Variants in EXOC6 observed in about 807,000 individuals in gnomAD.
The protein encoded by EXOC6 is SEC15-like 1.
Under a neutral mutation model 112.5 loss-of-function variants are expected in EXOC6, and 60 were observed. The ratio of observed to expected loss-of-function variants is 0.53; its 90% CI spans 0.43 to 0.66. The LOEUF (loss-of-function observed/expected upper bound fraction) is 0.66, where lower values mean the gene tolerates loss of function less well. EXOC6 is among the 30% of genes least tolerant of loss of function. The probability of loss-of-function intolerance (pLI) is 0.00; values close to 1 mark genes in which losing one functional copy is unlikely to be tolerated. For synonymous variants in EXOC6, 295 were observed against 308.0 expected (o/e 0.96, Z 0.44); for missense variants, 855 against 957.1 (o/e 0.89, Z 1.41).
intron 1 of EXOC6, among the ~76,000 whole-genome samples, chr10:92,857,391 C>T (rs1847653983): frequency 6.6e-6 from 1 of 151,900 alleles, no homozygotes; most frequent in Non-Finnish European, 1.5e-5. Context: ...TGTGTTATTA[C>T]AATAATACAT....
upstream of EXOC6, among the ~76,000 whole-genome samples, chr10:92,845,974 A>G (rs1172070746): frequency 2.0e-5 from 3 of 152,228 alleles, no homozygotes; most frequent in African/African-American, 7.2e-5. Context: ...CAAATGTGCA[A>G]TTAGTTATTT....
At chr10:92,835,753 AG>A (rs1846639036) in intron 1 of EXOC6, among the ~76,000 whole-genome samples, 1 of 152,202 alleles carries the variant, frequency 6.6e-6, no homozygotes, top group Admixed American at 6.5e-5. Flanking sequence ...GTCTTAGGGT[AG>A]TGTTAGGGAC....
At chr10:92,954,879 A>C in intron 16 of EXOC6, 138 bp downstream of exon 16, 1 of 513,426 alleles carries the variant, frequency 1.9e-6, no homozygotes, top group Non-Finnish European at 3.4e-6. Flanking sequence ...TCAAAATAAA[A>C]ACACCAGTGT....
chr10:92,909,601 T>C lies in EXOC6; in HGVS notation c.633T>C (p.Ser211=). Residue 211 remains serine (S), a synonymous_variant, in exon 6 of 22, where the codon TCT becomes TCC. Coordinates refer to ENST00000260762, the MANE Select transcript of EXOC6 (RefSeq NM_019053.6). ...TTTTGGAAAGTATTCGAAAACATTC[T>C]GACAAAATAGGTGAAACAGCAATGA... ...KDFLESIRKH[S]DKIGETAMKQ... The C allele has an allele frequency of 6.2e-7, 1 of 1,611,276 alleles. No homozygotes were observed. Among genetic ancestry groups the C allele is most frequent in the East Asian group, 2.2e-5 (1 of 44,746 alleles).
intron 20 of EXOC6, among the ~76,000 whole-genome samples, chr10:93,030,830 TAG>T (rs1382914776): frequency 6.6e-6 from 1 of 152,240 alleles, no homozygotes. Flanking sequence ...CTGTTTGTTG[TAG>T]AGTGTCTCAT....
intron 9 of EXOC6, among the ~76,000 whole-genome samples, chr10:92,929,843 G>C (rs1254967784): frequency 2.0e-5 from 3 of 152,166 alleles, no homozygotes; most frequent in Non-Finnish European, 4.4e-5. Context: ...GGGATACAGA[G>C]AAGTCTAACA....
intron 19 of EXOC6, among the ~76,000 whole-genome samples, chr10:92,998,352 G>C (rs916361962): frequency 2.0e-5 from 3 of 152,090 alleles, no homozygotes; most frequent in African/African-American, 7.2e-5. Context: ...ATTCTATCAG[G>C]CACCACAGTT....
intron 9 of EXOC6, among the ~76,000 whole-genome samples, chr10:92,931,984 GA>G (rs1852065841): frequency 6.6e-6 from 1 of 152,102 alleles, no homozygotes; most frequent in Non-Finnish European, 1.5e-5. Flanking sequence ...GCTCATATGT[GA>G]ATGTTTGTAG....
At chr10:92,845,720 C>G (rs1847027512), upstream of EXOC6, among the ~76,000 whole-genome samples, 1 of 152,078 alleles carries the variant, frequency 6.6e-6, no homozygotes, top group Non-Finnish European at 1.5e-5. Context: ...GGGCAGATCA[C>G]CTGAGGTCGG....
intron 1 of EXOC6, among the ~76,000 whole-genome samples, chr10:92,850,681 T>G (rs1564770652): frequency 6.6e-6 from 1 of 152,230 alleles, no homozygotes; most frequent in South Asian, 2.1e-4. Flanking sequence ...ATCTCTTCCC[T>G]TATCTACTCC....
chr10:92,925,641 G>A (rs1851672690), intron 8 of EXOC6, among the ~76,000 whole-genome samples: 1 of 151,804 alleles, frequency 6.6e-6, no homozygotes, highest in Non-Finnish European at 1.5e-5. Flanking sequence ...TGGTTTTCAT[G>A]ATGTAATTTT....
chr10:92,925,854 T>G (rs1739198445), intron 8 of EXOC6, among the ~76,000 whole-genome samples: 1 of 152,028 alleles, frequency 6.6e-6, no homozygotes, highest in African/African-American at 2.4e-5. Flanking sequence ...TTTAAAGAGA[T>G]AGCTTGACAT....
intron 18 of EXOC6, among the ~76,000 whole-genome samples, chr10:92,983,239 T>C (rs1842887448): frequency 6.6e-6 from 1 of 152,178 alleles, no homozygotes; most frequent in Non-Finnish European, 1.5e-5. Context: ...TACACATAAA[T>C]GGTGTGATAA....
chr10:92,868,787 C>G (rs1382099102), intron 1 of EXOC6, among the ~76,000 whole-genome samples: 1 of 150,002 alleles, frequency 6.7e-6, no homozygotes, highest in Non-Finnish European at 1.5e-5. Context: ...CTTCCTTCCT[C>G]CCTCCCTTCT....
rs780830516 is a variant in EXOC6, at chr10:92,928,344, CGAG to C, written c.897_899del (p.Glu300del). ...CTCTGCTGATTTTATTTTAGGGTGA[CGAG>C]GAAACATTTGAAAACTATTATCGAA... On this transcript the variant is annotated inframe_deletion, in exon 9 of 22. Transcript: ENST00000260762. The C allele has an allele frequency of 1.3e-6, 2 of 1,598,756 alleles. No individual in the cohort carries two copies. The highest frequency in any genetic ancestry group is 1.7e-6 in the Non-Finnish European group (2 of 1,169,810).
At chr10:92,986,043 A>G (rs1366546944) in intron 18 of EXOC6, among the ~76,000 whole-genome samples, 1 of 152,120 alleles carries the variant, frequency 6.6e-6, no homozygotes, top group Admixed American at 6.5e-5. Flanking sequence ...AAAATTTATA[A>G]TGGCATTGAT....
At chr10:92,991,532 G>C (rs1174756633) in intron 18 of EXOC6, among the ~76,000 whole-genome samples, 3 of 151,530 alleles carry the variant, frequency 2.0e-5, no homozygotes, top group Non-Finnish European at 4.4e-5. Context: ...CTAAAAATTT[G>C]GATACTGCAT....
At chr10:92,830,444 G>A (rs926355628), upstream of EXOC6, among the ~76,000 whole-genome samples, 1 of 152,160 alleles carries the variant, frequency 6.6e-6, no homozygotes, top group African/African-American at 2.4e-5. Context: ...CCAGAAAAGG[G>A]CCCCAAGGAA....
At chr10:93,041,258 A>C (rs1845760409) in intron 20 of EXOC6, among the ~76,000 whole-genome samples, 1 of 152,052 alleles carries the variant, frequency 6.6e-6, no homozygotes, top group African/African-American at 2.4e-5. Context: ...TCTCTATCCC[A>C]ACTATGTACC....
Sources: allele counts gnomAD v4.1 joint callset (sites outside exome capture counted in the v4.1 genomes callset), GRCh38; gene constraint gnomAD v4.1.1; transcripts MANE v1.5; gene names NCBI Gene and HGNC (gene_info 2026-07-23, HGNC 2026-07-21).